CSMD1: variants seen among roughly 807,000 people sequenced by gnomAD.
CSMD1 encodes the protein CUB and Sushi multiple domains 1.
In CSMD1, 213 loss-of-function variants were observed where a neutral mutation model predicts 417.5. That is an observed-to-expected ratio of 0.51 (90% CI 0.46 to 0.57). The LOEUF (loss-of-function observed/expected upper bound fraction) is 0.57. Among genes scored for constraint, CSMD1 ranks in the 20% least tolerant of loss-of-function variants. CSMD1 has a pLI of 0.00. For missense variants in CSMD1, 6,923 were observed against 4,529.7 expected (o/e 1.53, Z -15.17); for synonymous variants, 2,862 against 1,736.8 (o/e 1.65, Z -16.11).
chr8:3,527,905 G>C (rs898771212), intron 10 of CSMD1, among the ~76,000 whole-genome samples: 2 of 152,116 alleles, frequency 1.3e-5, no homozygotes, highest in African/African-American at 4.8e-5. Context: ...TTACAGGCTG[G>C]CTAAGTCTTG....
intron 1 of CSMD1, among the ~76,000 whole-genome samples, chr8:4,760,156 T>C (rs1481339655): frequency 1.3e-5 from 2 of 152,218 alleles, no homozygotes; most frequent in East Asian, 1.9e-4. Flanking sequence ...ATGTCTGCAA[T>C]AGTCATAGGC....
At chr8:4,955,296 A>T (rs1809018106) in intron 1 of CSMD1, among the ~76,000 whole-genome samples, 1 of 152,202 alleles carries the variant, frequency 6.6e-6, no homozygotes, top group African/African-American at 2.4e-5. Context: ...ACTTGTAATT[A>T]ATTTGTATTT....
chr8:4,548,145 C>T (rs968420131), intron 2 of CSMD1, among the ~76,000 whole-genome samples: 9 of 151,068 alleles, frequency 6.0e-5, no homozygotes, highest in Non-Finnish European at 1.2e-4. Context: ...TGGATGGTAC[C>T]GAATGTCTAG....
chr8:3,472,188 C>A (rs986686812), intron 11 of CSMD1, among the ~76,000 whole-genome samples: 3 of 152,040 alleles, frequency 2.0e-5, no homozygotes, highest in Admixed American at 6.5e-5. Flanking sequence ...CTTTTCTCTC[C>A]ACTCTACTGC....
chr8:3,444,462 C>G (rs1284535991), intron 12 of CSMD1, among the ~76,000 whole-genome samples: 2 of 152,116 alleles, frequency 1.3e-5, no homozygotes, highest in African/African-American at 4.8e-5. Context: ...TACTGTAGAG[C>G]AGTAGTGCTC....
chr8:4,834,786 C>A (rs556785745), intron 1 of CSMD1, among the ~76,000 whole-genome samples: 27 of 151,252 alleles, frequency 1.8e-4, no homozygotes, highest in South Asian at 6.3e-4. Context: ...GAAACCCCGT[C>A]TCTACTAAAA....
intron 5 of CSMD1, among the ~76,000 whole-genome samples, chr8:3,917,021 G>C (rs1003957837): frequency 1.3e-5 from 2 of 152,068 alleles, no homozygotes. Context: ...TGTTGATACT[G>C]GAAATTGATT....
intron 3 of CSMD1, among the ~76,000 whole-genome samples, chr8:4,381,923 G>A (rs1271667609): frequency 1.3e-5 from 2 of 152,054 alleles, no homozygotes; most frequent in African/African-American, 4.8e-5. Flanking sequence ...CCACTGCAGG[G>A]AAAACAAATT....
At chr8:3,456,743 T>C (rs998802551) in intron 12 of CSMD1, among the ~76,000 whole-genome samples, 19 of 152,054 alleles carry the variant, frequency 1.2e-4, no homozygotes, top group Admixed American at 1.2e-3. Flanking sequence ...TTTCTCTCTT[T>C]CAGAAGTGGG....
At chr8:3,394,153 G>T (rs1182915102) in intron 17 of CSMD1, among the ~76,000 whole-genome samples, 1 of 143,534 alleles carries the variant, frequency 7.0e-6, no homozygotes, top group Non-Finnish European at 1.5e-5. Flanking sequence ...TTTAAACACA[G>T]GATAAATGAA....
At chr8:4,238,483 G>A (rs772659846) in intron 3 of CSMD1, among the ~76,000 whole-genome samples, 5 of 152,176 alleles carry the variant, frequency 3.3e-5, no homozygotes, top group Admixed American at 6.5e-5. Context: ...TTAGGGTAAG[G>A]AGGCACATTA....
intron 5 of CSMD1, among the ~76,000 whole-genome samples, chr8:3,764,417 G>A (rs150759183): frequency 1.3e-5 from 2 of 152,202 alleles, no homozygotes; most frequent in Non-Finnish European, 2.9e-5. Context: ...TATAAACAAC[G>A]TATGAGTGTG....
Position 4,927,511 on chromosome 8 carries a change from C to A in CSMD1, c.85+66821G>T, listed in dbSNP as rs144738882. 8.1e-3 allele frequency among the ~76,000 whole-genome samples: 1,235 copies of A among 152,214 alleles called. 13 individuals are homozygous for A. Among genetic ancestry groups the A allele is most frequent in the African/African-American group, 0.028 (1,154 of 41,526 alleles). ...TGTAGCTTAGCTCTGCGATGCCAGT[C>A]CTTTTTTTCCGAGAGCAAGTGAGTT... On this transcript the variant is annotated intron_variant, in intron 1 of 69. Coordinates refer to ENST00000635120, the MANE Select transcript of CSMD1 (RefSeq NM_033225.6).
chr8:4,772,487 A>G (rs1192098157), intron 1 of CSMD1, among the ~76,000 whole-genome samples: 1 of 152,234 alleles, frequency 6.6e-6, no homozygotes, highest in Non-Finnish European at 1.5e-5. Flanking sequence ...GGAGCAAAAC[A>G]TAATATAACA....
intron 5 of CSMD1, among the ~76,000 whole-genome samples, chr8:3,968,868 T>C (rs1404482458): frequency 6.6e-6 from 1 of 152,206 alleles, no homozygotes; most frequent in African/African-American, 2.4e-5. Flanking sequence ...ACACATCATC[T>C]TTTCTTGCAA....
chr8:3,728,876 A>G (rs543955504), intron 6 of CSMD1, among the ~76,000 whole-genome samples: 4 of 152,200 alleles, frequency 2.6e-5, no homozygotes, highest in Non-Finnish European at 5.9e-5. Context: ...TAAGGCAGGG[A>G]TACTGGCATC....
At chr8:4,941,064 C>T (rs865938688) in intron 1 of CSMD1, among the ~76,000 whole-genome samples, 49 of 152,158 alleles carry the variant, frequency 3.2e-4, no homozygotes, top group Admixed American at 6.6e-4. Context: ...TGTAATCTGA[C>T]AGATAAACCA....
intron 2 of CSMD1, among the ~76,000 whole-genome samples, chr8:4,631,075 A>G (rs747563696): frequency 6.6e-6 from 1 of 152,112 alleles, no homozygotes; most frequent in Non-Finnish European, 1.5e-5. Context: ...CTAAAAATAA[A>G]ATGAAGGCCA....
intron 1 of CSMD1, among the ~76,000 whole-genome samples, chr8:4,664,538 G>A (rs1388324184): frequency 6.6e-6 from 1 of 151,952 alleles, no homozygotes; most frequent in Non-Finnish European, 1.5e-5. Context: ...TCCACCCTCG[G>A]CAATACAGCA....
Sources: gnomAD v4.1 joint callset for allele counts (sites outside exome capture counted in the v4.1 genomes callset) on GRCh38, gnomAD v4.1.1 for gene constraint, MANE v1.5 for transcripts, NCBI Gene and HGNC (gene_info 2026-07-23, HGNC 2026-07-21) for gene names.